Variants in SPAG6 observed in about 807,000 individuals in gnomAD.
SPAG6 encodes sperm-associated antigen 6.
In SPAG6, 49 loss-of-function variants were observed where a neutral mutation model predicts 58.5. The ratio of observed to expected loss-of-function variants is 0.84; its 90% CI spans 0.67 to 1.06. SPAG6 has a LOEUF of 1.06. Ranked by LOEUF, SPAG6 falls within the 50% of genes least tolerant of loss-of-function variation. The probability of loss-of-function intolerance (pLI) is 0.00; values close to 1 mark genes in which losing one functional copy is unlikely to be tolerated. For synonymous variants in SPAG6, 233 were observed against 225.6 expected (o/e 1.03, Z -0.29); for missense variants, 560 against 611.3 (o/e 0.92, Z 0.89).
At chr10:22,359,292 T>C (rs924667988) in intron 2 of SPAG6, 6 of 246,206 alleles carry the variant, frequency 2.4e-5, no homozygotes, top group Non-Finnish European at 3.9e-5. Context: ...AGTGGTTACA[T>C]AGAATGTAGC....
chr10:22,405,594 T>C (rs1382182322), intron 9 of SPAG6, among the ~76,000 whole-genome samples: 6 of 150,816 alleles, frequency 4.0e-5, no homozygotes, highest in African/African-American at 1.5e-4. Flanking sequence ...TGGTCTAAAA[T>C]TCTCTTTTTT....
intron 4 of SPAG6, among the ~76,000 whole-genome samples, chr10:22,375,124 T>A (rs2132063712): frequency 6.6e-6 from 1 of 152,374 alleles, no homozygotes; most frequent in East Asian, 1.9e-4. Context: ...GTTTGAACAA[T>A]GCACCATGAC....
chr10:22,398,419 C>A (rs1192040407), intron 8 of SPAG6, among the ~76,000 whole-genome samples: 1 of 152,028 alleles, frequency 6.6e-6, no homozygotes, highest in Non-Finnish European at 1.5e-5. Flanking sequence ...AAAAAAAATC[C>A]TCTTATGCTT....
intron 9 of SPAG6, among the ~76,000 whole-genome samples, chr10:22,408,805 C>A (rs544681256): frequency 2.6e-5 from 4 of 152,294 alleles, no homozygotes; most frequent in Admixed American, 2.0e-4. Flanking sequence ...GGGGGTAGGA[C>A]CCTCCGAGCC....
At chr10:22,405,305 T>C (rs1403876241) in intron 9 of SPAG6, among the ~76,000 whole-genome samples, 2 of 152,020 alleles carry the variant, frequency 1.3e-5, no homozygotes, top group Non-Finnish European at 2.9e-5. Context: ...TTTTGAGATA[T>C]GTCCCATCAA....
At chr10:22,347,287 C>CTG (rs911738943) in intron 2 of SPAG6, among the ~76,000 whole-genome samples, 4 of 152,032 alleles carry the variant, frequency 2.6e-5, no homozygotes, top group Non-Finnish European at 5.9e-5. Flanking sequence ...TTTCTGTATT[C>CTG]TGTGTGTGTG....
chr10:22,376,712 A>G (rs150722421), intron 4 of SPAG6, among the ~76,000 whole-genome samples: 21 of 151,960 alleles, frequency 1.4e-4, no homozygotes, highest in African/African-American at 5.1e-4. Context: ...ACCCTTGTTT[A>G]GTCTTCTCCT....
chr10:22,395,067 A>G (rs1284373499), intron 8 of SPAG6, among the ~76,000 whole-genome samples: 2 of 152,134 alleles, frequency 1.3e-5, no homozygotes, highest in Admixed American at 6.5e-5. Flanking sequence ...ATGTTGTGGC[A>G]TATATCAGTA....
In SPAG6 at chr10:22,351,173, C is replaced by T. The variant is rs146895028; in HGVS notation, c.121+5355C>T. Among the ~76,000 whole-genome samples the T allele has an allele frequency of 9.1e-3, 1,388 of 152,200 alleles. 20 individuals are homozygous for T. The highest frequency in any genetic ancestry group is 0.031 in the African/African-American group (1,276 of 41,534). ...CTTTGGAGGTCTCTTTGAGGACTAT[C>T]GTGGAGTTTGAGTGGAGGCCAGATG... is the stretch of plus-strand genomic sequence containing the variant. On this transcript the variant is annotated intron_variant, in intron 2 of 10. Coordinates refer to ENST00000376624, the MANE Select transcript of SPAG6 (RefSeq NM_012443.4).
At chr10:22,367,557 CTG>C (rs1334730093) in intron 3 of SPAG6, among the ~76,000 whole-genome samples, 2 of 152,050 alleles carry the variant, frequency 1.3e-5, no homozygotes, top group Non-Finnish European at 2.9e-5. Flanking sequence ...TCATTAGTCA[CTG>C]TGAAGAAATA....
rs745733033 is a variant in SPAG6 at position 22,345,698 on chromosome 10, G to T, written c.26-25G>T. ...CGCCGAGGAGACCCGGGTGCGGTGG[G>T]CTCCACCGACTCTCTCTCCCGCAGT... On this transcript the variant is annotated intron_variant, in intron 1 of 10. Transcript: ENST00000376624. This position sits in a 1 kb window ranked among gnomAD's most constrained non-coding sequence, Gnocchi z 6.3. The T allele has an allele frequency of 2.9e-5, 47 of 1,600,396 alleles. No homozygotes were observed. The highest frequency in any genetic ancestry group is 2.4e-5 in the Non-Finnish European group (28 of 1,174,084).
At chr10:22,346,430 G>GTTCTTCTTCTTCTTC (rs71393995) in intron 2 of SPAG6, among the ~76,000 whole-genome samples, 3,133 of 95,936 alleles carry the variant, frequency 0.033, 113 homozygotes, top group East Asian at 0.07. Flanking sequence ...AGAGAAAATG[G>GTTCTTCTTCTTCTTC]TTCTTCTTCT....
At chr10:22,391,270 A>G (rs890566578) in intron 7 of SPAG6, among the ~76,000 whole-genome samples, 1 of 152,216 alleles carries the variant, frequency 6.6e-6, no homozygotes, top group Non-Finnish European at 1.5e-5. Context: ...CAAGGTACTT[A>G]GGATTCTTAC....
intron 10 of SPAG6, among the ~76,000 whole-genome samples, chr10:22,415,469 ACC>A (rs1276518731): frequency 6.6e-6 from 1 of 152,166 alleles, no homozygotes; most frequent in Admixed American, 6.5e-5. Flanking sequence ...CTTCGAAGAA[ACC>A]CACTGTTGAA....
Position 22,346,493 on chromosome 10 carries a change from C to CT in SPAG6, c.121+677dup, listed in dbSNP as rs1161947630. On this transcript the variant is annotated intron_variant, in intron 2 of 10. Transcript: ENST00000376624. ...TCTTCTTCTTCTTCTTCTTCTTCTTCTTCTTTCTTCTTCTTCTTCCTCTTC... is the reference window on the plus strand; with the variant it reads ...TCTTCTTCTTCTTCTTCTTCTTCTTCTTTCTTTCTTCTTCTTCTTCCTCTTC... Among the ~76,000 whole-genome samples the CT allele has an allele frequency of 8.4e-4, 112 of 133,390 alleles. 1 individual carries two copies. The highest frequency in any genetic ancestry group is 3.5e-3 in the African/African-American group (107 of 30,320). The allele number at this position is 133,390 out of a possible 152,430, so 87.5% of individuals were successfully genotyped here.
At chr10:22,394,330 T>C (rs1433814383) in intron 8 of SPAG6, among the ~76,000 whole-genome samples, 1 of 152,218 alleles carries the variant, frequency 6.6e-6, no homozygotes, top group Non-Finnish European at 1.5e-5. Context: ...AGGCATCATA[T>C]TGAAATGTTT....
intron 3 of SPAG6, among the ~76,000 whole-genome samples, chr10:22,367,235 T>G (rs534410458): frequency 3.7e-4 from 57 of 152,266 alleles, no homozygotes; most frequent in Middle Eastern, 3.4e-3. Flanking sequence ...GTATCACCAT[T>G]TTTTCCCCAC....
chr10:22,401,380 G>C (rs562880599), intron 9 of SPAG6, 103 bp downstream of exon 9: 33 of 680,106 alleles, frequency 4.9e-5, no homozygotes, highest in Non-Finnish European at 8.4e-5. Flanking sequence ...ACGGGGTCAT[G>C]GTTTTACTGC....
At position 22,363,208 on chromosome 10, in the gene SPAG6, A is replaced by G. The variant is rs548037099; in HGVS notation, c.122-1645A>G. Among the ~76,000 whole-genome samples, 3 of 152,340 alleles carry G rather than the reference A, an allele frequency of 2.0e-5. No individual in the cohort carries two copies. In the South Asian group the frequency reaches 6.2e-4, roughly 32 times the overall value. On this transcript the variant is annotated intron_variant, in intron 2 of 10. Coordinates refer to ENST00000376624, the MANE Select transcript of SPAG6 (RefSeq NM_012443.4). ...CTCACTAAGAAACCAACAACAATGA[A>G]TCAACTAATAAAGCAAATTACAAAG...
Sources: gnomAD v4.1 joint callset for allele counts (sites outside exome capture counted in the v4.1 genomes callset) on GRCh38, gnomAD v4.1.1 for gene constraint, Gnocchi (gnomAD v3.1) non-coding constraint, MANE v1.5 for transcripts, NCBI Gene and HGNC (gene_info 2026-07-23, HGNC 2026-07-21) for gene names.